Variants in DLG2 observed in about 807,000 individuals in gnomAD.
DLG2 encodes the protein discs large MAGUK scaffold protein 2, also known as disks large homolog 2.
A neutral mutation model predicts 132.5 loss-of-function variants in DLG2; 45 were observed. That is an observed-to-expected ratio of 0.34 (90% CI 0.27 to 0.44). The LOEUF (loss-of-function observed/expected upper bound fraction) is 0.44. Among genes scored for constraint, DLG2 ranks in the 20% least tolerant of loss-of-function variants. The probability of loss-of-function intolerance (pLI) is 1.00; values close to 1 mark genes in which losing one functional copy is unlikely to be tolerated. For synonymous variants in DLG2, 424 were observed against 419.6 expected (o/e 1.01, Z -0.13); for missense variants, 1,045 against 1,196.9 (o/e 0.87, Z 1.87).
intron 6 of DLG2, among the ~76,000 whole-genome samples, chr11:84,785,708 A>G (rs1441743737): frequency 1.3e-5 from 2 of 152,096 alleles, no homozygotes; most frequent in Non-Finnish European, 2.9e-5. Context: ...GGTGATTTTT[A>G]AATAATATCT....
chr11:85,225,180 GA>G (rs1203718648), intron 4 of DLG2, among the ~76,000 whole-genome samples: 1 of 150,764 alleles, frequency 6.6e-6, no homozygotes, highest in African/African-American at 2.4e-5. Flanking sequence ...GATGGAGTAA[GA>G]AAAAAAAAGC....
intron 6 of DLG2, among the ~76,000 whole-genome samples, chr11:84,968,715 C>T (rs1321319678): frequency 6.6e-6 from 1 of 151,996 alleles, no homozygotes; most frequent in African/African-American, 2.4e-5. Context: ...TGCAAGTCAG[C>T]AAATTATTAT....
intron 21 of DLG2, among the ~76,000 whole-genome samples, chr11:83,517,891 C>T (rs1280527225): frequency 5.9e-5 from 9 of 152,178 alleles, no homozygotes; most frequent in Admixed American, 1.3e-4. Flanking sequence ...AGTGTTGTCT[C>T]AGAGGAGTAC....
intron 6 of DLG2, among the ~76,000 whole-genome samples, chr11:84,604,317 A>T (rs1475708482): frequency 6.6e-6 from 1 of 151,934 alleles, no homozygotes; most frequent in Non-Finnish European, 1.5e-5. Context: ...AGAAGAATAT[A>T]TTAAGATAAT....
chr11:83,548,099 G>C (rs1398026426), intron 19 of DLG2, among the ~76,000 whole-genome samples: 1 of 152,146 alleles, frequency 6.6e-6, no homozygotes, highest in East Asian at 1.9e-4. Context: ...AAGGGATCCT[G>C]GTTACACAGT....
chr11:84,520,084 C>A (rs1240288581), intron 7 of DLG2, among the ~76,000 whole-genome samples: 1 of 152,140 alleles, frequency 6.6e-6, no homozygotes, highest in Non-Finnish European at 1.5e-5. Flanking sequence ...TGCTTGAATA[C>A]CTCCAATGAC....
intron 19 of DLG2, among the ~76,000 whole-genome samples, chr11:83,583,293 A>G (rs994715787): frequency 2.0e-5 from 3 of 152,224 alleles, no homozygotes; most frequent in Admixed American, 6.5e-5. Flanking sequence ...GGTCTCCTCC[A>G]GAGAAGGCTG....
intron 4 of DLG2, among the ~76,000 whole-genome samples, chr11:85,217,862 G>C (rs1009250483): frequency 2.0e-5 from 3 of 152,190 alleles, no homozygotes; most frequent in African/African-American, 7.2e-5. Context: ...ATGTCAGGAA[G>C]AGTATTTCCT....
At chr11:85,545,359 GC>G (rs1431310400) in intron 3 of DLG2, among the ~76,000 whole-genome samples, 1 of 152,174 alleles carries the variant, frequency 6.6e-6, no homozygotes, top group East Asian at 1.9e-4. Context: ...TGGTGGATAA[GC>G]TTTTTGATGT....
chr11:85,520,588 A>G (rs974257728), intron 3 of DLG2, among the ~76,000 whole-genome samples: 2 of 151,964 alleles, frequency 1.3e-5, no homozygotes, highest in African/African-American at 4.8e-5. Flanking sequence ...AACTGAAGGA[A>G]TCACATTACT....
At chr11:84,976,856 T>G (rs1282125350) in intron 6 of DLG2, among the ~76,000 whole-genome samples, 1 of 152,164 alleles carries the variant, frequency 6.6e-6, no homozygotes, top group Non-Finnish European at 1.5e-5. Context: ...AAGGTCTAAG[T>G]CTGAACCTCT....
At chr11:84,816,092 A>G (rs1054979338) in intron 6 of DLG2, among the ~76,000 whole-genome samples, 1 of 152,046 alleles carries the variant, frequency 6.6e-6, no homozygotes, top group Non-Finnish European at 1.5e-5. Context: ...TCTGCATCAT[A>G]GAGTGGCACC....
chr11:84,189,017 A>G (rs34042104), intron 8 of DLG2, among the ~76,000 whole-genome samples: 5,885 of 152,306 alleles, frequency 0.039, 171 homozygotes, highest in Middle Eastern at 0.061. Context: ...TTATTTATTC[A>G]TCTATTCAAA....
At chr11:85,151,767 C>T (rs923837024) in intron 5 of DLG2, among the ~76,000 whole-genome samples, 1 of 152,136 alleles carries the variant, frequency 6.6e-6, no homozygotes, top group Non-Finnish European at 1.5e-5. Context: ...ATGCCAGTAC[C>T]ACACCATCTT....
chr11:85,612,990 C>A (rs2081103311), intron 2 of DLG2, among the ~76,000 whole-genome samples: 1 of 152,154 alleles, frequency 6.6e-6, no homozygotes, highest in Non-Finnish European at 1.5e-5. Flanking sequence ...GGACTCTGCA[C>A]CTTCTTAGGG....
intron 6 of DLG2, among the ~76,000 whole-genome samples, chr11:84,681,566 T>G (rs2153708302): frequency 6.6e-6 from 1 of 152,256 alleles, no homozygotes; most frequent in Non-Finnish European, 1.5e-5. Flanking sequence ...AGAATAAAAC[T>G]TCAGAACACA....
At chr11:83,551,158 TC>T (rs1310782823) in intron 19 of DLG2, among the ~76,000 whole-genome samples, 1 of 152,166 alleles carries the variant, frequency 6.6e-6, no homozygotes, top group African/African-American at 2.4e-5. Flanking sequence ...AGAATCCCTG[TC>T]CGACAGGGTC....
intron 15 of DLG2, among the ~76,000 whole-genome samples, chr11:83,909,829 T>A (rs61901827): frequency 2.0e-5 from 3 of 151,972 alleles, no homozygotes; most frequent in African/African-American, 7.2e-5. Flanking sequence ...TTATCTTCTG[T>A]TCCAATCTTC....
chr11:84,645,062 C>T (rs2099672947), intron 6 of DLG2, among the ~76,000 whole-genome samples: 1 of 152,142 alleles, frequency 6.6e-6, no homozygotes, highest in Non-Finnish European at 1.5e-5. Flanking sequence ...CGAAGAGTTT[C>T]AAAACCATGA....
Sources: allele counts gnomAD v4.1 joint callset (sites outside exome capture counted in the v4.1 genomes callset), GRCh38; gene constraint gnomAD v4.1.1; transcripts MANE v1.5; gene names NCBI Gene and HGNC (gene_info 2026-07-23, HGNC 2026-07-21).